Variants in GOLIM4 observed in about 807,000 individuals in gnomAD.
GOLIM4 encodes 130 kDa golgi-localized phosphoprotein.
A neutral mutation model predicts 107.4 loss-of-function variants in GOLIM4; 71 were observed. That is an observed-to-expected ratio of 0.66 (90% CI 0.55 to 0.81). The LOEUF is 0.81. GOLIM4 is among the 30% of genes least tolerant of loss of function. The pLI, the probability that GOLIM4 is intolerant of heterozygous loss-of-function variation, is 0.00. For missense variants in GOLIM4, 830 were observed against 826.1 expected, an observed-to-expected ratio of 1.00 and a Z score of -0.06; for synonymous variants, 327 against 294.8, an observed-to-expected ratio of 1.11 and a Z score of -1.12.
Position 168,075,286 on chromosome 3 carries a change from GTTTTTTTTTT to G in GOLIM4, c.187+19803_187+19812del, listed in dbSNP as rs374374393. Reference sequence around the variant, plus strand: ...ACTGGTAATTGGCGGACATTCACTAGTTTTTTTTTTTTTTTTTTTTTTTTTTTTGAGACGG... The same window carrying G: ...ACTGGTAATTGGCGGACATTCACTAGTTTTTTTTTTTTTTTTTTGAGACGG... On this transcript the variant is annotated intron_variant, in intron 1 of 15. Coordinates refer to ENST00000470487, the MANE Select transcript of GOLIM4 (RefSeq NM_014498.5). Among the ~76,000 whole-genome samples the G allele has an allele frequency of 3.2e-3, 297 of 94,200 alleles. 2 individuals carry two copies. Among genetic ancestry groups the G allele is most frequent in the Admixed American group, 8.7e-3 (79 of 9,078 alleles). The allele number at this position is 94,200 out of a possible 152,430, so 61.8% of individuals were successfully genotyped here.
chr3:168,089,017 T>C (rs1014242968), intron 1 of GOLIM4, among the ~76,000 whole-genome samples: 1 of 152,244 alleles, frequency 6.6e-6, no homozygotes, highest in Admixed American at 6.5e-5. Flanking sequence ...ATTAGAGGGA[T>C]GACTAAGGTG....
intron 1 of GOLIM4, among the ~76,000 whole-genome samples, chr3:168,053,910 AG>A (rs1384790977): frequency 1.3e-5 from 2 of 150,240 alleles, no homozygotes; most frequent in Non-Finnish European, 3.0e-5. Context: ...AGAAATAAAA[AG>A]AAAAAGGAGG....
intron 8 of GOLIM4, among the ~76,000 whole-genome samples, chr3:168,034,051 A>T (rs1407838567): frequency 6.6e-6 from 1 of 152,220 alleles, no homozygotes; most frequent in Non-Finnish European, 1.5e-5. Context: ...TTCTTAAATT[A>T]GCAGAGATAT....
At chr3:168,047,168 T>C (rs1719352229) in intron 2 of GOLIM4, among the ~76,000 whole-genome samples, 169 bp from the exon 3 acceptor site, 1 of 152,158 alleles carries the variant, frequency 6.6e-6, no homozygotes, top group South Asian at 2.1e-4. Flanking sequence ...TTAGAAAGAA[T>C]TGGAAAAAAC....
chr3:168,095,418 G>C lies in GOLIM4; in HGVS notation c.-133C>G. ...GGAGGAGATGCCAGACACAAAAGCC[G>C]GCCCGGAGGGGAAGTGGCGCCCGCT... On this transcript the variant is annotated 5_prime_UTR_variant, in exon 1 of 16. Transcript: ENST00000470487. 1.5e-6 allele frequency: 1 copy of C among 685,836 alleles called. No homozygotes were observed. The highest frequency in any genetic ancestry group is 3.3e-5 in the East Asian group (1 of 29,886). 42.5% of individuals were successfully genotyped at this position (685,836 alleles called of 1,614,324 possible).
chr3:168,075,273 C>T (rs1031308967), intron 1 of GOLIM4, among the ~76,000 whole-genome samples: 4 of 142,550 alleles, frequency 2.8e-5, no homozygotes, highest in East Asian at 4.1e-4. Context: ...TGGTAATTGG[C>T]GGACATTCAC....
intron 1 of GOLIM4, among the ~76,000 whole-genome samples, chr3:168,066,073 A>T (rs1282690047): frequency 1.3e-5 from 2 of 152,200 alleles, no homozygotes; most frequent in Admixed American, 1.3e-4. Flanking sequence ...ACCTGACTAG[A>T]CAGAAGGACT....
intron 1 of GOLIM4, among the ~76,000 whole-genome samples, chr3:168,080,508 C>T (rs923703574): frequency 6.6e-6 from 1 of 152,138 alleles, no homozygotes; most frequent in African/African-American, 2.4e-5. Context: ...TAGTGGCCAC[C>T]GTATTAGACA....
chr3:168,061,751 A>T (rs1293066057), intron 1 of GOLIM4, among the ~76,000 whole-genome samples: 1 of 152,218 alleles, frequency 6.6e-6, no homozygotes, highest in African/African-American at 2.4e-5. Context: ...GAGTGAAACT[A>T]ATCTCTGATG....
intron 11 of GOLIM4, among the ~76,000 whole-genome samples, chr3:168,028,755 G>A (rs1438298598): frequency 6.6e-6 from 1 of 152,210 alleles, no homozygotes; most frequent in South Asian, 2.1e-4. Flanking sequence ...ACATCTAAGT[G>A]TTAGTGGTGC....
intron 1 of GOLIM4, among the ~76,000 whole-genome samples, chr3:168,073,518 T>C: frequency 6.6e-6 from 1 of 152,200 alleles, no homozygotes; most frequent in African/African-American, 2.4e-5. Context: ...GTTCAAGGAT[T>C]AGAATAGTGG....
intron 14 of GOLIM4, among the ~76,000 whole-genome samples, chr3:168,013,891 T>G (rs201772911): frequency 2.0e-5 from 3 of 150,212 alleles, no homozygotes; most frequent in East Asian, 2.0e-4. Flanking sequence ...TTCAAAGCAG[T>G]GTGTAGAGGG....
chr3:168,029,675 G>A, intron 10 of GOLIM4, 105 bp downstream of exon 10: 6 of 1,284,596 alleles, frequency 4.7e-6, no homozygotes, highest in South Asian at 1.4e-5. Flanking sequence ...TGAGCAATAT[G>A]AGCCCCTTAA....
At position 168,010,968 on chromosome 3, in the gene GOLIM4, A is replaced by T. The variant is rs181066630; in HGVS notation, c.1861-145T>A. The T allele has an allele frequency of 1.8e-5, 12 of 659,332 alleles. No homozygotes were observed. The East Asian group carries it at 3.2e-4, about 17-fold the overall frequency. The allele number at this position is 659,332 out of a possible 1,614,324, so 40.8% of individuals were successfully genotyped here. ...CACTCAAAATAGCAGAAGCAAAATTAAAGTAAATATACAATTGAAAAAATA... is the reference window on the plus strand; with the variant it reads ...CACTCAAAATAGCAGAAGCAAAATTTAAGTAAATATACAATTGAAAAAATA... On this transcript the variant is annotated intron_variant, in intron 14 of 15. Transcript: ENST00000470487.
Position 168,014,662 on chromosome 3 carries a change from A to C in GOLIM4, c.1861-3839T>G, listed in dbSNP as rs1435383184. Among the ~76,000 whole-genome samples, 10 of 141,494 alleles carry C rather than the reference A, an allele frequency of 7.1e-5. No homozygotes were observed. In the East Asian group the frequency reaches 7.8e-4, roughly 11 times the overall value. 92.8% of individuals were successfully genotyped at this position (141,494 alleles called of 152,430 possible). On this transcript the variant is annotated intron_variant, in intron 14 of 15. Coordinates refer to ENST00000470487, the MANE Select transcript of GOLIM4 (RefSeq NM_014498.5). The stretch of plus-strand genomic sequence containing the variant: ...TCAATAAAATACTGGCAAAACGAAT[A>C]CAGCAGCACATCAAAAAGCTTATCC...
intron 1 of GOLIM4, among the ~76,000 whole-genome samples, chr3:168,049,636 T>C (rs1719502883): frequency 6.6e-6 from 1 of 152,168 alleles, no homozygotes; most frequent in African/African-American, 2.4e-5. Flanking sequence ...GTTGACCATA[T>C]ACAATTCACA....
chr3:168,038,461 G>A (rs1243036251), intron 7 of GOLIM4, among the ~76,000 whole-genome samples: 1 of 152,158 alleles, frequency 6.6e-6, no homozygotes, highest in Non-Finnish European at 1.5e-5. Context: ...GATGCAGGAA[G>A]TCTCAAAAAA....
chr3:168,055,524 C>T (rs773569481), intron 1 of GOLIM4, among the ~76,000 whole-genome samples: 10 of 151,956 alleles, frequency 6.6e-5, no homozygotes, highest in South Asian at 2.1e-4. Flanking sequence ...CAGGGCCGGG[C>T]GCGGTGGCTC....
At chr3:168,041,690 C>T (rs1444051036) in intron 5 of GOLIM4, among the ~76,000 whole-genome samples, 1 of 152,056 alleles carries the variant, frequency 6.6e-6, no homozygotes, top group East Asian at 1.9e-4. Flanking sequence ...ACTTTAAATG[C>T]TTTTAAACAA....
Sources: allele counts gnomAD v4.1 joint callset (sites outside exome capture counted in the v4.1 genomes callset), GRCh38; gene constraint gnomAD v4.1.1; transcripts MANE v1.5; gene names NCBI Gene and HGNC (gene_info 2026-07-23, HGNC 2026-07-21).